The following AGFG1 variants were observed in gnomAD, a reference collection of about 807,000 sequenced individuals.
The protein encoded by AGFG1 is ArfGAP with FG repeats 1.
A neutral mutation model predicts 60.6 loss-of-function variants in AGFG1; 10 were observed. The ratio of observed to expected loss-of-function variants is 0.16; its 90% confidence interval spans 0.10 to 0.28. The LOEUF (loss-of-function observed/expected upper bound fraction) is 0.28. Ranked by LOEUF, AGFG1 falls within the 10% of genes least tolerant of loss-of-function variation. The pLI is 1.00. For missense variants in AGFG1, 537 were observed against 676.5 expected, an observed-to-expected ratio of 0.79 and a Z score of 2.29; for synonymous variants, 247 against 242.9, an observed-to-expected ratio of 1.02 and a Z score of -0.16.
At chr2:227,515,709 A>G (rs946367893) in intron 2 of AGFG1, among the ~76,000 whole-genome samples, 2 of 152,142 alleles carry the variant, frequency 1.3e-5, no homozygotes, top group Non-Finnish European at 1.5e-5. Context: ...ATTGATGGCC[A>G]CAAGTCTTCA....
chr2:227,549,108 T>C (rs1260701098), intron 10 of AGFG1, among the ~76,000 whole-genome samples: 2 of 152,254 alleles, frequency 1.3e-5, no homozygotes, highest in South Asian at 4.1e-4. Flanking sequence ...TAATTCGTTG[T>C]TACATTTATT....
At chr2:227,498,346 C>T (rs894220385) in intron 2 of AGFG1, among the ~76,000 whole-genome samples, 5 of 152,018 alleles carry the variant, frequency 3.3e-5, no homozygotes, top group African/African-American at 9.7e-5. Flanking sequence ...AAAACATTCA[C>T]TAATAATACA....
At chr2:227,513,512 A>G (rs1260016381) in intron 2 of AGFG1, among the ~76,000 whole-genome samples, 2 of 152,138 alleles carry the variant, frequency 1.3e-5, no homozygotes, top group Non-Finnish European at 2.9e-5. Context: ...TCCAGTTCCT[A>G]TCAGGCAGCT....
Position 227,554,560 on chromosome 2 carries a change from C to T in AGFG1, c.*65C>T. On this transcript the variant is annotated 3_prime_UTR_variant, in exon 13 of 13. Coordinates refer to ENST00000310078, the MANE Select transcript of AGFG1 (RefSeq NM_004504.5). ...TCACATTACATCTCTCCACCTCTTGCACTGTTGTCTTGTTTCACTGATCTT... is the reference window on the plus strand; with the variant it reads ...TCACATTACATCTCTCCACCTCTTGTACTGTTGTCTTGTTTCACTGATCTT... The T allele has an allele frequency of 5.3e-6, 7 of 1,330,434 alleles. No homozygotes were observed. Among genetic ancestry groups the T allele is most frequent in the Non-Finnish European group, 7.5e-6 (7 of 936,940 alleles). The allele number at this position is 1,330,434 out of a possible 1,614,324, so 82.4% of individuals were successfully genotyped here.
intron 2 of AGFG1, among the ~76,000 whole-genome samples, chr2:227,502,601 A>G (rs1346762668): frequency 6.6e-6 from 1 of 151,996 alleles, no homozygotes. Flanking sequence ...GATTACAGGC[A>G]TGAGCCACCA....
rs897427426 is a variant in AGFG1 at position 227,520,159 on chromosome 2, C to G, written c.377+96C>G. 5.5e-6 allele frequency: 4 copies of G among 727,398 alleles called. No homozygotes were observed. The African/African-American group carries it at 5.7e-5, about 10-fold the overall frequency. 45.1% of individuals were successfully genotyped at this position (727,398 alleles called of 1,614,324 possible). ...GACACAATGAAGGATAAAAGACAGA[C>G]AGTGAGAACTAGATAGGTATATAAT... is the stretch of plus-strand genomic sequence containing the variant. On this transcript the variant is annotated intron_variant, in intron 3 of 12. Transcript: ENST00000310078.
intron 2 of AGFG1, among the ~76,000 whole-genome samples, chr2:227,509,550 T>C (rs1326256837): frequency 1.3e-5 from 2 of 152,188 alleles, no homozygotes; most frequent in South Asian, 4.1e-4. Flanking sequence ...TTAGGAAATA[T>C]ACATTTAGGG....
At chr2:227,527,891 T>A (rs901167497) in intron 5 of AGFG1, among the ~76,000 whole-genome samples, 1 of 152,220 alleles carries the variant, frequency 6.6e-6, no homozygotes, top group African/African-American at 2.4e-5. Flanking sequence ...TTCACAATTT[T>A]ATGAGCATAA....
chr2:227,542,987 G>A (rs1235361029), intron 10 of AGFG1, among the ~76,000 whole-genome samples: 1 of 152,032 alleles, frequency 6.6e-6, no homozygotes, highest in African/African-American at 2.4e-5. Flanking sequence ...GTATTTCCGT[G>A]GGATCAGTGG....
intron 6 of AGFG1, among the ~76,000 whole-genome samples, chr2:227,531,703 G>A (rs1692165393): frequency 6.6e-6 from 1 of 151,754 alleles, no homozygotes; most frequent in African/African-American, 2.4e-5. Context: ...ACAGTGCTGG[G>A]ATTACAGGTG....
chr2:227,555,655 C>T lies in AGFG1; in HGVS notation c.*1160C>T, dbSNP rs1297396946. The T allele has an allele frequency of 6.6e-6, 1 of 152,352 alleles. No individual in the cohort carries two copies. Among genetic ancestry groups the T allele is most frequent in the Non-Finnish European group, 1.5e-5 (1 of 67,992 alleles). The allele number at this position is 152,352 out of a possible 1,614,324, so 9.4% of individuals were successfully genotyped here. On this transcript the variant is annotated 3_prime_UTR_variant, in exon 13 of 13. Coordinates refer to ENST00000310078, the MANE Select transcript of AGFG1 (RefSeq NM_004504.5). ...AGTGTTACCTTAAAGTTACGGAATA[C>T]TTTGTTTTAAAGGAAAAGATAATAA...
At chr2:227,531,980 G>T (rs1692176045) in intron 6 of AGFG1, among the ~76,000 whole-genome samples, 1 of 152,152 alleles carries the variant, frequency 6.6e-6, no homozygotes, top group South Asian at 2.1e-4. Flanking sequence ...CATAAATTGT[G>T]CTGTTTTCGT....
At chr2:227,526,734 G>A (rs1288395109) in intron 5 of AGFG1, among the ~76,000 whole-genome samples, 2 of 151,086 alleles carry the variant, frequency 1.3e-5, no homozygotes, top group East Asian at 3.9e-4. Context: ...AGTAAAGATG[G>A]GGTTTCACCA....
At chr2:227,472,921 C>T (rs1321944345) in intron 1 of AGFG1, among the ~76,000 whole-genome samples, 1 of 149,992 alleles carries the variant, frequency 6.7e-6, no homozygotes, top group Non-Finnish European at 1.5e-5. Context: ...CTGCGGCCGC[C>T]GCCCTCGCTC....
At chr2:227,482,009 G>A (rs62189453) in intron 1 of AGFG1, among the ~76,000 whole-genome samples, 6,767 of 151,918 alleles carry the variant, frequency 0.045, 232 homozygotes, top group Middle Eastern at 0.11. Flanking sequence ...GGGACTACAG[G>A]CGCCCGCCAC....
chr2:227,524,050 G>T, intron 4 of AGFG1, 125 bp downstream of exon 4: 1 of 968,216 alleles, frequency 1.0e-6, no homozygotes, highest in Non-Finnish European at 1.5e-6. Context: ...CCAATGGTTT[G>T]TTATACATTA....
At chr2:227,494,828 G>A (rs1478647747) in intron 2 of AGFG1, among the ~76,000 whole-genome samples, 1 of 152,118 alleles carries the variant, frequency 6.6e-6, no homozygotes, top group East Asian at 1.9e-4. Flanking sequence ...AGAGTGAGAG[G>A]GGCTACCAAG....
At chr2:227,494,234 T>C (rs554384309) in intron 2 of AGFG1, among the ~76,000 whole-genome samples, 4 of 152,286 alleles carry the variant, frequency 2.6e-5, no homozygotes, top group African/African-American at 9.6e-5. Flanking sequence ...ACCAAATCTT[T>C]ATGGATTTCA....
At chr2:227,478,383 C>T (rs1438301479) in intron 1 of AGFG1, among the ~76,000 whole-genome samples, 2 of 151,996 alleles carry the variant, frequency 1.3e-5, no homozygotes, top group Non-Finnish European at 2.9e-5. Context: ...CACTCTGTCG[C>T]CCAGGCTGGA....
Sources: allele counts gnomAD v4.1 joint callset (sites outside exome capture counted in the v4.1 genomes callset), GRCh38; gene constraint gnomAD v4.1.1; transcripts MANE v1.5; gene names NCBI Gene and HGNC (gene_info 2026-07-23, HGNC 2026-07-21).